The following SNRNP40 variants were observed in gnomAD, a reference collection of about 807,000 sequenced individuals.
The protein encoded by SNRNP40 is small nuclear ribonucleoprotein U5 subunit 40, also known as U5 small nuclear ribonucleoprotein 40 kDa protein.
In SNRNP40, 21 loss-of-function variants were observed where a neutral mutation model predicts 45.8. The ratio of observed to expected loss-of-function variants is 0.46; its 90% CI spans 0.32 to 0.66. SNRNP40 has a LOEUF of 0.66. SNRNP40 is among the 30% of genes least tolerant of loss of function. The probability of loss-of-function intolerance (pLI) is 0.03; values close to 1 mark genes in which losing one functional copy is unlikely to be tolerated. For missense variants in SNRNP40, 344 were observed against 439.1 expected (o/e 0.78, Z 1.94); for synonymous variants, 142 against 163.8 (o/e 0.87, Z 1.01).
intron 4 of SNRNP40, among the ~76,000 whole-genome samples, chr1:31,284,839 T>C (rs1646044182): frequency 6.6e-6 from 1 of 152,194 alleles, no homozygotes; most frequent in African/African-American, 2.4e-5. Context: ...AATTAGTTCA[T>C]TACTCAGATA....
At chr1:31,263,051 T>C (rs1429458833) in intron 8 of SNRNP40, among the ~76,000 whole-genome samples, 1 of 144,008 alleles carries the variant, frequency 6.9e-6, no homozygotes, top group Non-Finnish European at 1.5e-5. Flanking sequence ...AAAGGTAATG[T>C]AAGAGGCTAT....
intron 5 of SNRNP40, among the ~76,000 whole-genome samples, chr1:31,277,224 T>G (rs904278111): frequency 2.6e-5 from 4 of 152,120 alleles, no homozygotes; most frequent in Admixed American, 2.6e-4. Flanking sequence ...ATCTAAAGAA[T>G]GAATATTATA....
chr1:31,282,850 A>G (rs1646029881), intron 4 of SNRNP40, among the ~76,000 whole-genome samples: 1 of 151,870 alleles, frequency 6.6e-6, no homozygotes, highest in African/African-American at 2.4e-5. Flanking sequence ...TAATTTTTGT[A>G]TTTTTAGTAG....
rs747584935 is a variant in SNRNP40, at chr1:31,289,376, C to T, written c.409G>A (p.Asp137Asn). Residue 137 changes from aspartate (D) to asparagine (N), a missense_variant, in exon 4 of 10, where the codon GAT (aspartate) becomes AAT (asparagine). Asp to Asn is a conservative substitution (Grantham distance 23). Around this residue, in one of 2 missense-constraint regions of SNRNP40, gnomAD observed 254 missense variants for 380.2 expected, o/e 0.67. Transcript: ENST00000263694. ...ASTDKTVAVW[D>N]SETGERVKRL... ...TTAACCCTCTCACCTGTTTCACTAT[C>T]CCACACAGCCACGGTTTTATCTGTG... 2.5e-6 allele frequency: 4 copies of T among 1,614,070 alleles called. No individual in the cohort carries two copies. The East Asian group carries it at 8.9e-5, about 36-fold the overall frequency.
In SNRNP40 at chr1:31,259,755, CAAAAAAAAAAAAA is replaced by C. The variant is rs59591825; in HGVS notation, c.*304_*316del. ...AAGAAAATATCATACAAGCCAGTTA[CAAAAAAAAAAAAA>C]AAATCCCAACCAACAAATTTGTCAC... On this transcript the variant is annotated 3_prime_UTR_variant, in exon 10 of 10. Coordinates refer to ENST00000263694, the MANE Select transcript of SNRNP40 (RefSeq NM_004814.3). 5.0e-6 allele frequency: 2 copies of C among 400,046 alleles called. No homozygotes were observed. Among genetic ancestry groups the C allele is most frequent in the African/African-American group, 4.9e-5 (2 of 41,038 alleles). 24.8% of individuals were successfully genotyped at this position (400,046 alleles called of 1,614,324 possible).
chr1:31,260,480 TAC>T (rs924513143), intron 9 of SNRNP40, among the ~76,000 whole-genome samples: 5 of 152,098 alleles, frequency 3.3e-5, no homozygotes, highest in African/African-American at 9.7e-5. Flanking sequence ...TGGAGAAAGT[TAC>T]AGTTTCTCCT....
At chr1:31,268,264 C>T (rs1004954813) in intron 7 of SNRNP40, among the ~76,000 whole-genome samples, 1 of 150,768 alleles carries the variant, frequency 6.6e-6, no homozygotes, top group Non-Finnish European at 1.5e-5. Context: ...TACACGCAAA[C>T]CCAACAAATA....
chr1:31,274,289 T>G (rs908264669), intron 5 of SNRNP40, among the ~76,000 whole-genome samples: 1 of 152,076 alleles, frequency 6.6e-6, no homozygotes, highest in African/African-American at 2.4e-5. Context: ...CAGGCTGGAG[T>G]GCAGTGGTGC....
chr1:31,277,607 T>C (rs1645984861), intron 5 of SNRNP40, among the ~76,000 whole-genome samples: 1 of 152,240 alleles, frequency 6.6e-6, no homozygotes, highest in African/African-American at 2.4e-5. Context: ...GTCTCAGTGC[T>C]GGGTGCACTT....
chr1:31,260,335 T>G (rs982654998), intron 9 of SNRNP40, among the ~76,000 whole-genome samples: 1 of 152,054 alleles, frequency 6.6e-6, no homozygotes, highest in Non-Finnish European at 1.5e-5. Flanking sequence ...GGAAATACAT[T>G]ATCAGACACT....
At chr1:31,289,800 C>T (rs988591395) in intron 3 of SNRNP40, among the ~76,000 whole-genome samples, 5 of 152,166 alleles carry the variant, frequency 3.3e-5, no homozygotes, top group African/African-American at 1.2e-4. Context: ...ACTGTGGTAC[C>T]GACCTGACAG....
At position 31,260,139 on chromosome 1, in the gene SNRNP40, G is replaced by A. The variant is rs769298499; in HGVS notation, c.1025-18C>T. ...TGAGATAACTGAGGTAAAAAGAACAGATAACTAGAAATAATGAAGGCTCAA... is the reference window on the plus strand; with the variant it reads ...TGAGATAACTGAGGTAAAAAGAACAAATAACTAGAAATAATGAAGGCTCAA... On this transcript the variant is annotated intron_variant, in intron 9 of 9. Transcript: ENST00000263694. 15 of 1,552,514 alleles carry A rather than the reference G, an allele frequency of 9.7e-6. No homozygotes were observed. Among genetic ancestry groups the A allele is most frequent in the Non-Finnish European group, 1.3e-5 (15 of 1,145,498 alleles).
At position 31,296,657 on chromosome 1, in the gene SNRNP40, G is replaced by A; in HGVS notation, c.95C>T (p.Pro32Leu). The A allele has an allele frequency of 1.2e-6, 2 of 1,613,816 alleles. No homozygotes were observed. Among genetic ancestry groups the A allele is most frequent in the Non-Finnish European group, 1.7e-6 (2 of 1,179,868 alleles). The change falls in exon 1 of 10, where the codon CCA becomes CTA. Residue 32 changes from proline to leucine, a missense_variant. Around this residue, in one of 2 missense-constraint regions of SNRNP40, gnomAD observed 90 missense variants for 58.9 expected, o/e 1.53. Transcript: ENST00000263694. ...CGTCGCCTGCTGCTGCCCGGCTCCT[G>A]GGCCAGACCCCGCTCCCAACAGCAA... ...HELLLGAGSG[P>L]GAGQQQATPG... is the part of the protein sequence containing the mutation.
chr1:31,263,481 T>C, intron 8 of SNRNP40: 1 of 277,692 alleles, frequency 3.6e-6, no homozygotes, highest in Non-Finnish European at 7.0e-6. Flanking sequence ...GCGTGGCATA[T>C]GGCACAATCT....
In SNRNP40 at chr1:31,287,684, G is replaced by A. The variant is rs1646069456; in HGVS notation, c.531+1570C>T. Among the ~76,000 whole-genome samples the A allele has an allele frequency of 3.3e-5, 5 of 152,214 alleles. No individual in the cohort carries two copies. In the East Asian group the frequency reaches 9.7e-4, roughly 29 times the overall value. On this transcript the variant is annotated intron_variant, in intron 4 of 9. Transcript: ENST00000263694. The stretch of plus-strand genomic sequence containing the variant: ...ACCATCAAGGGGCCCCAAGTGATTA[G>A]GTATAAGAAAACCACTCAGTAGAAA...
In SNRNP40 at chr1:31,261,540, T is replaced by A. The variant is rs1211173604; in HGVS notation, c.1013A>T (p.Asp338Val). Reference protein sequence around the residue: ...GSINEVAFHPDEPIIISASSD... With the variant: ...GSINEVAFHPVEPIIISASSD... ...TGGGACAGACTTACTGATGGGCTCA[T>A]CAGGGTGGAAAGCCACTTCATTGAT... Residue 338 changes from aspartate to valine, a missense_variant, in exon 9 of 10, where the codon GAT becomes GTT. Around this residue, in one of 2 missense-constraint regions of SNRNP40, gnomAD observed 254 missense variants for 380.2 expected, o/e 0.67. Transcript: ENST00000263694. 2 of 1,611,748 alleles carry A rather than the reference T, an allele frequency of 1.2e-6. No homozygotes were observed. Among genetic ancestry groups the A allele is most frequent in the Admixed American group, 1.7e-5 (1 of 60,018 alleles).
At position 31,259,772 on chromosome 1, in the gene SNRNP40, T is replaced by C; in HGVS notation, c.*300A>G. ...GCCAGTTACAAAAAAAAAAAAAAAATCCCAACCAACAAATTTGTCACATTG... is the reference window on the plus strand; with the variant it reads ...GCCAGTTACAAAAAAAAAAAAAAAACCCCAACCAACAAATTTGTCACATTG... On this transcript the variant is annotated 3_prime_UTR_variant, in exon 10 of 10. Transcript: ENST00000263694. 1 of 471,354 alleles carries C rather than the reference T, an allele frequency of 2.1e-6. No homozygotes were observed. Among genetic ancestry groups the C allele is most frequent in the Non-Finnish European group, 3.8e-6 (1 of 260,114 alleles). The allele number at this position is 471,354 out of a possible 1,614,324, so 29.2% of individuals were successfully genotyped here. A position where few individuals can be genotyped will look rare whatever the true frequency, so the allele number is the denominator to read the frequency against.
At chr1:31,261,009 T>C (rs1459917413) in intron 9 of SNRNP40, 1 of 1,279,750 alleles carries the variant, frequency 7.8e-7, no homozygotes, top group Admixed American at 2.3e-5. Context: ...CTCTCACCAC[T>C]TATGAGCAAT....
In SNRNP40 at chr1:31,276,734, C is replaced by T. The variant is rs565722795; in HGVS notation, c.654+4640G>A. On this transcript the variant is annotated intron_variant, in intron 5 of 9. Coordinates refer to ENST00000263694, the MANE Select transcript of SNRNP40 (RefSeq NM_004814.3). Reference sequence around the variant, plus strand: ...GAACCCATTTCTAAAAAAACAAAAACGAAAACGAACCAAACTGGCCAGGCG... The same window carrying T: ...GAACCCATTTCTAAAAAAACAAAAATGAAAACGAACCAAACTGGCCAGGCG... Among the ~76,000 whole-genome samples the T allele has an allele frequency of 3.9e-5, 6 of 151,924 alleles. No homozygotes were observed. In the South Asian group the frequency reaches 6.2e-4, roughly 16 times the overall value.
Sources: gnomAD v4.1 joint callset for allele counts (sites outside exome capture counted in the v4.1 genomes callset) on GRCh38, gnomAD v4.1.1 for gene constraint, gnomAD v4.1.1 regional missense constraint, MANE v1.5 for transcripts, NCBI Gene and HGNC (gene_info 2026-07-23, HGNC 2026-07-21) for gene names.